ANO1: variants seen among roughly 807,000 people sequenced by gnomAD.
The protein encoded by ANO1 is anoctamin-1.
A neutral mutation model predicts 124.0 loss-of-function variants in ANO1; 59 were observed. That is an observed-to-expected ratio of 0.48 (90% CI 0.39 to 0.59). ANO1 has a LOEUF of 0.59. Among genes scored for constraint, ANO1 ranks in the 20% least tolerant of loss-of-function variants. The pLI is 0.00. For synonymous variants in ANO1, 529 were observed against 532.0 expected (o/e 0.99, Z 0.08); for missense variants, 1,059 against 1,328.0 (o/e 0.80, Z 3.15).
At chr11:69,971,165 G>T in the ANO1 span, among the ~76,000 whole-genome samples, 1 of 152,104 alleles carries the variant, frequency 6.6e-6, no homozygotes. Context: ...CTGTGCTGGG[G>T]GGGCACCAAC....
intron 24 of ANO1, among the ~76,000 whole-genome samples, chr11:70,184,966 C>CT (rs1225668499): frequency 2.0e-5 from 3 of 152,152 alleles, no homozygotes; most frequent in Non-Finnish European, 4.4e-5. Flanking sequence ...AGACTGATCT[C>CT]TAACTCCTCA....
intron 5 of ANO1, among the ~76,000 whole-genome samples, chr11:70,107,652 C>T (rs1001212198): frequency 1.3e-5 from 2 of 152,142 alleles, no homozygotes; most frequent in East Asian, 1.9e-4. Context: ...AAACTGAGGC[C>T]GGGAGTGGTG....
At chr11:70,148,116 A>G (rs943687489) in intron 11 of ANO1, among the ~76,000 whole-genome samples, 1 of 152,042 alleles carries the variant, frequency 6.6e-6, no homozygotes, top group Admixed American at 6.5e-5. Context: ...GTTCACACCC[A>G]TGACTTTCGT....
chr11:70,031,411 C>T (rs946933223), intron 1 of ANO1, among the ~76,000 whole-genome samples: 1 of 152,202 alleles, frequency 6.6e-6, no homozygotes, highest in Non-Finnish European at 1.5e-5. Context: ...ACTGCAGTCC[C>T]TCTGGTGTGC....
intron 1 of ANO1, among the ~76,000 whole-genome samples, chr11:70,059,344 C>T (rs1857515701): frequency 2.2e-5 from 2 of 90,940 alleles, no homozygotes; most frequent in African/African-American, 8.0e-5. Context: ...GAGCGAGACA[C>T]TGTCAAAAAA....
At chr11:70,096,797 A>T (rs533113743) in intron 2 of ANO1, among the ~76,000 whole-genome samples, 1 of 152,122 alleles carries the variant, frequency 6.6e-6, no homozygotes, top group African/African-American at 2.4e-5. Flanking sequence ...GGAGGCGGAG[A>T]TTGCAGTCAG....
At chr11:70,158,888 G>A (rs12790313) in intron 16 of ANO1, among the ~76,000 whole-genome samples, 17,599 of 152,012 alleles carry the variant, frequency 0.12, 1,202 homozygotes, top group South Asian at 0.23. Flanking sequence ...CGGTGACTTG[G>A]TGGGAGGGCA....
chr11:70,085,984 C>G (rs373860739), intron 1 of ANO1, among the ~76,000 whole-genome samples: 4 of 152,248 alleles, frequency 2.6e-5, no homozygotes, highest in African/African-American at 9.6e-5. Flanking sequence ...CCAGCGAGGC[C>G]CAAGCACAGC....
At chr11:70,030,296 G>A (rs1030398488) in intron 1 of ANO1, among the ~76,000 whole-genome samples, 3 of 152,366 alleles carry the variant, frequency 2.0e-5, no homozygotes, top group South Asian at 4.1e-4. Flanking sequence ...GGCTGCCGGG[G>A]ATGAGGACTG....
At position 70,085,368 on chromosome 11, in the gene ANO1, C is replaced by T. The variant is rs550521439; in HGVS notation, c.109-2384C>T. ...CACCCACATGGGCGTGGTCGTGGCC[C>T]CTAAGCACCCTCAGACTTTGTCACA... On this transcript the variant is annotated intron_variant, in intron 1 of 25. Coordinates refer to ENST00000355303, the MANE Select transcript of ANO1 (RefSeq NM_018043.7). 28 of 1,469,726 alleles carry T rather than the reference C, an allele frequency of 1.9e-5. No homozygotes were observed. In the East Asian group the frequency reaches 6.0e-4, roughly 32 times the overall value. 91.0% of individuals were successfully genotyped at this position (1,469,726 alleles called of 1,614,324 possible).
intron 11 of ANO1, among the ~76,000 whole-genome samples, chr11:70,132,350 C>A (rs780386068): frequency 6.6e-6 from 1 of 152,092 alleles, no homozygotes; most frequent in Non-Finnish European, 1.5e-5. Flanking sequence ...ATCCTGACAC[C>A]AGGGTATGCT....
the ANO1 span, among the ~76,000 whole-genome samples, chr11:69,977,798 G>T: frequency 6.6e-6 from 1 of 152,256 alleles, no homozygotes; most frequent in Admixed American, 6.5e-5. Context: ...AGGGGCAGAG[G>T]CTGTGGCTGC....
intron 2 of ANO1, among the ~76,000 whole-genome samples, chr11:70,095,576 G>A (rs1324190978): frequency 6.6e-6 from 1 of 152,248 alleles, no homozygotes; most frequent in East Asian, 1.9e-4. Context: ...TCTGGCTATA[G>A]TTCTGAGGTC....
intron 1 of ANO1, among the ~76,000 whole-genome samples, chr11:70,037,906 GCAGGGTCTTGA>G (rs1214311508): frequency 6.6e-6 from 1 of 152,116 alleles, no homozygotes; most frequent in Admixed American, 6.5e-5. Context: ...TTATTCCATG[GCAGGGTCTTGA>G]ATTACAACCC....
chr11:69,976,485 C>T, the ANO1 span, among the ~76,000 whole-genome samples: 5 of 120,078 alleles, frequency 4.2e-5, no homozygotes, highest in South Asian at 2.6e-4. Flanking sequence ...CCAGCCTGGG[C>T]GAAAGAGCAA....
chr11:70,093,439 T>C (rs2135270813), intron 2 of ANO1, among the ~76,000 whole-genome samples: 1 of 152,244 alleles, frequency 6.6e-6, no homozygotes, highest in South Asian at 2.1e-4. Context: ...CCCATTAGCC[T>C]TTTTGAAGTC....
chr11:70,083,348 T>C (rs893959675), intron 1 of ANO1, among the ~76,000 whole-genome samples: 6 of 152,104 alleles, frequency 3.9e-5, no homozygotes, highest in African/African-American at 1.4e-4. Context: ...CACGAAGCTG[T>C]GTGCCTGGGG....
chr11:70,142,820 C>T (rs1215142104), intron 11 of ANO1, among the ~76,000 whole-genome samples: 2 of 152,162 alleles, frequency 1.3e-5, no homozygotes, highest in East Asian at 3.9e-4. Flanking sequence ...CTCCCTGTGT[C>T]CTCAGGTGGC....
At chr11:70,106,202 G>C (rs533402521) in intron 5 of ANO1, among the ~76,000 whole-genome samples, 24 of 152,262 alleles carry the variant, frequency 1.6e-4, no homozygotes, top group African/African-American at 5.8e-4. Flanking sequence ...GCAAAGGCGC[G>C]TGGGTTGAGA....
Sources: allele counts gnomAD v4.1 joint callset (sites outside exome capture counted in the v4.1 genomes callset), GRCh38; gene constraint gnomAD v4.1.1; transcripts MANE v1.5; gene names NCBI Gene and HGNC (gene_info 2026-07-23, HGNC 2026-07-21).